TACC2: variants seen among roughly 807,000 people sequenced by gnomAD.
The protein encoded by TACC2 is transforming acidic coiled-coil containing protein 2, also known as transforming acidic coiled-coil-containing protein 2.
TACC2 carries 137 observed loss-of-function variants against 227.3 expected under a neutral mutation model. The ratio of observed to expected loss-of-function variants is 0.60; its 90% CI spans 0.52 to 0.69. The LOEUF is 0.69. Among genes scored for constraint, TACC2 ranks in the 30% least tolerant of loss-of-function variants. TACC2 has a pLI of 0.00. For missense variants in TACC2, 3,470 were observed against 3,694.4 expected (o/e 0.94, Z 1.57); for synonymous variants, 1,523 against 1,487.5 (o/e 1.02, Z -0.55).
intron 3 of TACC2, among the ~76,000 whole-genome samples, chr10:122,073,121 AAAAAAATATATAT>A (rs2078297918): frequency 1.4e-5 from 1 of 72,134 alleles, no homozygotes; most frequent in African/African-American, 4.8e-5. Flanking sequence ...AAAAAAAAAA[AAAAAAATATATAT>A]ATATATATAT....
rs867614372 is a variant in TACC2, at chr10:122,141,191, G to A, written c.5700-2381G>A. Among the ~76,000 whole-genome samples the A allele has an allele frequency of 7.9e-5, 12 of 152,150 alleles. No individual in the cohort carries two copies. The highest frequency in any genetic ancestry group is 7.2e-4 in the Admixed American group (11 of 15,278). ...TGGGGGAGGAGGAGGAGGGTCAGGA[G>A]GGAAGAGGAGAAGTTCTGTTGGGCC... On this transcript the variant is annotated intron_variant, in intron 6 of 22. Coordinates refer to ENST00000369005, the MANE Select transcript of TACC2 (RefSeq NM_206862.4). The surrounding 1 kb of genome is among the most constrained non-coding windows in gnomAD (Gnocchi z 4.3).
intron 1 of TACC2, among the ~76,000 whole-genome samples, chr10:121,998,311 T>C (rs1953820075): frequency 4.3e-5 from 4 of 93,164 alleles, no homozygotes; most frequent in Admixed American, 4.2e-4. Flanking sequence ...GACCACGTTC[T>C]CAAAAAAAAA....
intron 8 of TACC2, among the ~76,000 whole-genome samples, chr10:122,198,083 A>C (rs2094636639): frequency 6.6e-6 from 1 of 152,254 alleles, no homozygotes; most frequent in South Asian, 2.1e-4. Flanking sequence ...TTGGCTGTGA[A>C]TAAAGATGGT....
intron 5 of TACC2, among the ~76,000 whole-genome samples, chr10:122,107,355 G>C (rs1383295121): frequency 6.6e-6 from 1 of 152,018 alleles, no homozygotes. Flanking sequence ...TTGGGAGGCC[G>C]AGGCAGGTGG....
At chr10:122,042,896 A>G (rs776519895) in intron 2 of TACC2, among the ~76,000 whole-genome samples, 1 of 152,248 alleles carries the variant, frequency 6.6e-6, no homozygotes, top group Non-Finnish European at 1.5e-5. Context: ...AATAAAGTTT[A>G]TGTCTGCACT....
In TACC2 at chr10:122,195,066, A is replaced by G; in HGVS notation, c.5861A>G (p.Glu1954Gly). Reference sequence around the variant, plus strand: ...AGTTCCGATTCTGAAGAGGCATTTGAGACCCCGGAGTCAACGACCCCTGTC... The same window carrying G: ...AGTTCCGATTCTGAAGAGGCATTTGGGACCCCGGAGTCAACGACCCCTGTC... ...SRSSDSEEAF[E>G]TPESTTPVKA... is the part of the protein sequence containing the mutation. Residue 1954 changes from glutamate (E) to glycine (G), a missense_variant, in exon 8 of 23, where the codon GAG (glutamate) becomes GGG (glycine). Physicochemically the swap from Glu to Gly is moderately conservative, Grantham distance 98 (BLOSUM62 -2). Transcript: ENST00000369005. The G allele has an allele frequency of 6.2e-7, 1 of 1,613,370 alleles. No individual in the cohort carries two copies. The highest frequency in any genetic ancestry group is 8.5e-7 in the Non-Finnish European group (1 of 1,179,580).
intron 9 of TACC2, 98 bp downstream of exon 9, chr10:122,211,806 C>A: frequency 1.8e-6 from 2 of 1,095,632 alleles, no homozygotes; most frequent in South Asian, 3.5e-5. Flanking sequence ...CTGCCCTAAC[C>A]TTGCCCCTGG....
At chr10:122,232,801 C>T (rs1167491057) in intron 16 of TACC2, among the ~76,000 whole-genome samples, 1 of 152,124 alleles carries the variant, frequency 6.6e-6, no homozygotes, top group African/African-American at 2.4e-5. Context: ...ATTGGAAACT[C>T]CTGATGCATA....
intron 1 of TACC2, among the ~76,000 whole-genome samples, chr10:122,004,407 A>C (rs1251547330): frequency 6.6e-6 from 1 of 152,052 alleles, no homozygotes; most frequent in Admixed American, 6.6e-5. Flanking sequence ...CAAAAAAAAA[A>C]AAAAAAATTA....
chr10:122,001,526 T>C (rs1198070189), intron 1 of TACC2, among the ~76,000 whole-genome samples: 1 of 152,196 alleles, frequency 6.6e-6, no homozygotes, highest in Non-Finnish European at 1.5e-5. Context: ...GAGATTTGGG[T>C]GGCAACAAAG....
rs139928570 is a variant in TACC2, at chr10:122,147,362, C to G, written c.5834+3656C>G. 3.9e-4 allele frequency among the ~76,000 whole-genome samples: 60 copies of G among 152,256 alleles called. No homozygotes were observed. The East Asian group carries it at 0.011, about 29-fold the overall frequency. On this transcript the variant is annotated intron_variant, in intron 7 of 22. Transcript: ENST00000369005. Reference sequence around the variant, plus strand: ...GTTTCACCATGTTGGCCAGGCTGGTCTCAAACTCCTGACCTCAAGTGACCC... The same window carrying G: ...GTTTCACCATGTTGGCCAGGCTGGTGTCAAACTCCTGACCTCAAGTGACCC...
intron 8 of TACC2, among the ~76,000 whole-genome samples, chr10:122,200,807 G>C (rs112787878): frequency 1.2e-3 from 104 of 85,318 alleles, no homozygotes; most frequent in Admixed American, 2.4e-3. Flanking sequence ...GGAGGACGGC[G>C]ACCTCACCTG....
intron 7 of TACC2, among the ~76,000 whole-genome samples, chr10:122,165,404 T>C (rs2093099238): frequency 6.6e-6 from 1 of 152,114 alleles, no homozygotes; most frequent in Admixed American, 6.5e-5. Context: ...TGACTGTACG[T>C]TTGGGAAAAT....
At chr10:122,035,882 A>G (rs1960152058) in intron 2 of TACC2, among the ~76,000 whole-genome samples, 2 of 151,768 alleles carry the variant, frequency 1.3e-5, no homozygotes, top group Admixed American at 1.3e-4. Context: ...GTGCAATCAT[A>G]GTTCACTGCA....
intron 7 of TACC2, among the ~76,000 whole-genome samples, chr10:122,162,128 T>G (rs1454730261): frequency 6.6e-6 from 1 of 152,192 alleles, no homozygotes; most frequent in Non-Finnish European, 1.5e-5. Context: ...AATGCAAAAG[T>G]AAACCTTCTC....
At chr10:122,101,487 A>G (rs1320717063) in intron 5 of TACC2, among the ~76,000 whole-genome samples, 1 of 151,474 alleles carries the variant, frequency 6.6e-6, no homozygotes, top group Non-Finnish European at 1.5e-5. Context: ...TGGGAGGCCA[A>G]GGCTGGAGGA....
At chr10:122,103,612 A>G (rs2082412378) in intron 5 of TACC2, among the ~76,000 whole-genome samples, 1 of 152,246 alleles carries the variant, frequency 6.6e-6, no homozygotes, top group African/African-American at 2.4e-5. Flanking sequence ...GCCACTCTTC[A>G]AAGCTGGCAG....
At chr10:122,239,597 C>T (rs2095940200) in intron 18 of TACC2, among the ~76,000 whole-genome samples, 2 of 152,162 alleles carry the variant, frequency 1.3e-5, no homozygotes, top group Admixed American at 6.5e-5. Flanking sequence ...TTTACATGCA[C>T]TGAAAATGAG....
At chr10:122,178,906 C>CT (rs145601076) in intron 7 of TACC2, among the ~76,000 whole-genome samples, 1,606 of 152,238 alleles carry the variant, frequency 0.011, 28 homozygotes, top group African/African-American at 0.035. Flanking sequence ...TAAACCCCTA[C>CT]TGTTTTTAAA....
Sources: gnomAD v4.1 joint callset for allele counts (sites outside exome capture counted in the v4.1 genomes callset) on GRCh38, gnomAD v4.1.1 for gene constraint, Gnocchi (gnomAD v3.1) non-coding constraint, MANE v1.5 for transcripts, NCBI Gene and HGNC (gene_info 2026-07-23, HGNC 2026-07-21) for gene names.